LRMDA: variants seen among roughly 807,000 people sequenced by gnomAD.
LRMDA encodes leucine-rich melanocyte differentiation-associated protein.
LRMDA carries 18 observed loss-of-function variants against 29.8 expected under a neutral mutation model. That is an observed-to-expected ratio of 0.60 (90% CI 0.42 to 0.90). LRMDA has a LOEUF of 0.90. Among genes scored for constraint, LRMDA ranks in the 40% least tolerant of loss-of-function variants. The pLI is 0.00. For missense variants in LRMDA, 273 were observed against 273.9 expected (o/e 1.00, Z 0.02); for synonymous variants, 125 against 109.4 (o/e 1.14, Z -0.89).
At chr10:75,464,227 C>G (rs1009525223) in intron 2 of LRMDA, among the ~76,000 whole-genome samples, 5 of 152,226 alleles carry the variant, frequency 3.3e-5, no homozygotes, top group African/African-American at 7.2e-5. Flanking sequence ...GGACAGGCCT[C>G]TCTCCTAAGT....
intron 5 of LRMDA, among the ~76,000 whole-genome samples, chr10:76,095,085 T>A (rs1849292856): frequency 6.6e-6 from 1 of 152,206 alleles, no homozygotes; most frequent in African/African-American, 2.4e-5. Context: ...ACAATCAAGA[T>A]AATGAACAGT....
intron 6 of LRMDA, among the ~76,000 whole-genome samples, chr10:76,523,237 G>A (rs560789634): frequency 1.3e-5 from 2 of 151,982 alleles, no homozygotes; most frequent in African/African-American, 2.4e-5. Flanking sequence ...CTCCAGCCCC[G>A]ACCTGAGCTC....
intron 6 of LRMDA, among the ~76,000 whole-genome samples, chr10:76,553,845 C>T (rs1372531785): frequency 6.6e-6 from 1 of 152,010 alleles, no homozygotes; most frequent in Non-Finnish European, 1.5e-5. Flanking sequence ...CACCTTTCTC[C>T]CCGGGCGAGC....
intron 2 of LRMDA, among the ~76,000 whole-genome samples, chr10:75,900,018 C>G (rs1845644717): frequency 6.6e-6 from 1 of 152,184 alleles, no homozygotes; most frequent in South Asian, 2.1e-4. Context: ...GAGATTAGAG[C>G]TGGGGCTCTT....
chr10:76,141,403 G>C (rs527829154), intron 5 of LRMDA, among the ~76,000 whole-genome samples: 4 of 152,064 alleles, frequency 2.6e-5, no homozygotes, highest in African/African-American at 9.7e-5. Flanking sequence ...CATACTAGTA[G>C]CTGGCGCAGT....
At chr10:76,134,449 CA>C (rs946868605) in intron 5 of LRMDA, among the ~76,000 whole-genome samples, 14 of 152,114 alleles carry the variant, frequency 9.2e-5, no homozygotes, top group Admixed American at 8.5e-4. Context: ...AACATGGGAA[CA>C]AAAAATATCA....
At chr10:75,852,894 T>TTACC (rs146217727) in intron 2 of LRMDA, among the ~76,000 whole-genome samples, 1 of 151,716 alleles carries the variant, frequency 6.6e-6, no homozygotes, top group Non-Finnish European at 1.5e-5. Flanking sequence ...AGAGGATTAA[T>TTACC]TCACAGTTCT....
chr10:76,295,502 G>A (rs17376438), intron 5 of LRMDA, among the ~76,000 whole-genome samples: 3,485 of 152,204 alleles, frequency 0.023, 67 homozygotes, highest in Non-Finnish European at 0.033. Flanking sequence ...ACTAAACCTG[G>A]ATACCAGGCA....
intron 5 of LRMDA, among the ~76,000 whole-genome samples, chr10:76,118,964 G>A (rs1035330394): frequency 2.4e-4 from 36 of 150,216 alleles, no homozygotes; most frequent in African/African-American, 8.3e-4. Flanking sequence ...TTTTTCAAAG[G>A]GCGCAGGCCA....
chr10:76,012,014 A>G (rs186895784), intron 2 of LRMDA, among the ~76,000 whole-genome samples: 1 of 152,286 alleles, frequency 6.6e-6, no homozygotes, highest in East Asian at 1.9e-4. Context: ...TCCAGGGCCT[A>G]TGTGAGAAGA....
intron 2 of LRMDA, among the ~76,000 whole-genome samples, chr10:75,587,994 T>A (rs1243012101): frequency 6.6e-6 from 1 of 152,210 alleles, no homozygotes; most frequent in Non-Finnish European, 1.5e-5. Flanking sequence ...TTTGCACAAC[T>A]GAATGCTGGA....
intron 5 of LRMDA, among the ~76,000 whole-genome samples, chr10:76,321,671 G>A (rs918494080): frequency 5.9e-5 from 9 of 152,182 alleles, no homozygotes; most frequent in South Asian, 2.1e-4. Flanking sequence ...AGAGCCAGGC[G>A]CGGTGGCTCA....
At chr10:75,665,461 TG>T (rs1411239572) in intron 2 of LRMDA, among the ~76,000 whole-genome samples, 1 of 152,186 alleles carries the variant, frequency 6.6e-6, no homozygotes, top group African/African-American at 2.4e-5. Flanking sequence ...TTAGAACCAT[TG>T]TAAGATATGG....
At chr10:76,129,822 A>G (rs1849953778) in intron 5 of LRMDA, among the ~76,000 whole-genome samples, 1 of 152,170 alleles carries the variant, frequency 6.6e-6, no homozygotes, top group African/African-American at 2.4e-5. Flanking sequence ...TTAGTGGGAA[A>G]TAGTCTAAAG....
Position 76,002,078 on chromosome 10 carries a change from G to A in LRMDA, c.132-33930G>A, listed in dbSNP as rs547660016. Among the ~76,000 whole-genome samples, 4 of 152,274 alleles carry A rather than the reference G, an allele frequency of 2.6e-5. No homozygotes were observed. In the South Asian group the frequency reaches 6.2e-4, roughly 24 times the overall value. On this transcript the variant is annotated intron_variant, in intron 2 of 6. Transcript: ENST00000611255. ...TTTCTCACAGTTCTGGAGTCTGGAA[G>A]TCCAAGATCAAGAGCCAGCTCTGTT... is the stretch of plus-strand genomic sequence containing the variant.
At chr10:76,502,536 A>C (rs1842920633) in intron 6 of LRMDA, among the ~76,000 whole-genome samples, 1 of 151,798 alleles carries the variant, frequency 6.6e-6, no homozygotes, top group South Asian at 2.1e-4. Flanking sequence ...ATTTCTTTCA[A>C]CAGTGTTTTG....
chr10:76,041,744 G>A (rs961196220), intron 3 of LRMDA, among the ~76,000 whole-genome samples: 6 of 152,040 alleles, frequency 3.9e-5, no homozygotes, highest in African/African-American at 1.5e-4. Flanking sequence ...ATCTCCTTTG[G>A]CAAGCCTCCC....
intron 6 of LRMDA, among the ~76,000 whole-genome samples, chr10:76,435,458 C>T (rs1842235820): frequency 6.6e-6 from 1 of 152,220 alleles, no homozygotes; most frequent in African/African-American, 2.4e-5. Context: ...AGGCTTCCCT[C>T]TGTGGAGGGG....
chr10:76,454,433 T>C (rs533696920), intron 6 of LRMDA, among the ~76,000 whole-genome samples: 8 of 152,278 alleles, frequency 5.3e-5, no homozygotes, highest in Admixed American at 1.3e-4. Flanking sequence ...GGCTGCATTA[T>C]TCTTTGTACC....
Sources: gnomAD v4.1 joint callset for allele counts (sites outside exome capture counted in the v4.1 genomes callset) on GRCh38, gnomAD v4.1.1 for gene constraint, MANE v1.5 for transcripts, NCBI Gene and HGNC (gene_info 2026-07-23, HGNC 2026-07-21) for gene names.